The following RSPO4 variants were observed in gnomAD, a reference collection of about 807,000 sequenced individuals.
RSPO4 encodes the protein R-spondin-4.
In RSPO4, 23 loss-of-function variants were observed where a neutral mutation model predicts 24.8. The observed-to-expected ratio is 0.93, with a 90% CI of 0.67 to 1.31. RSPO4 has a LOEUF of 1.31. RSPO4 is among the 40% of genes most tolerant of loss of function. RSPO4 has a pLI of 0.00. For missense variants in RSPO4, 333 were observed against 316.5 expected (o/e 1.05, Z -0.39); for synonymous variants, 141 against 127.4 (o/e 1.11, Z -0.72).
intron 1 of RSPO4, among the ~76,000 whole-genome samples, chr20:974,965 A>G (rs1304734203): frequency 1.3e-5 from 2 of 152,202 alleles, no homozygotes; most frequent in Non-Finnish European, 2.9e-5. Flanking sequence ...CAGAGAGAGA[A>G]GCAGCAACCA....
At chr20:983,915 G>A (rs1303728018) in intron 1 of RSPO4, among the ~76,000 whole-genome samples, 1 of 152,114 alleles carries the variant, frequency 6.6e-6, no homozygotes, top group Non-Finnish European at 1.5e-5. Context: ...GCTGGTGAGT[G>A]GCAAACTCAA....
rs369479919 is a variant in RSPO4 at position 991,523 on chromosome 20, A to T, written c.79+10563T>A. On this transcript the variant is annotated intron_variant, in intron 1 of 4. Transcript: ENST00000217260. ...GAAAAATTCAGGAATTCCAATTTTA[A>T]AAGTGGGAAAAATAAAAATAAAATG... is the stretch of plus-strand genomic sequence containing the variant. Among the ~76,000 whole-genome samples the T allele has an allele frequency of 3.0e-3, 462 of 152,340 alleles. 4 individuals carry two copies. Among genetic ancestry groups the T allele is most frequent in the African/African-American group, 0.011 (439 of 41,574 alleles).
chr20:1,001,166 G>A (rs1985449997), intron 1 of RSPO4, among the ~76,000 whole-genome samples: 1 of 152,192 alleles, frequency 6.6e-6, no homozygotes, highest in African/African-American at 2.4e-5. Flanking sequence ...GGGATTTGAT[G>A]AGCTAGGACA....
intron 1 of RSPO4, among the ~76,000 whole-genome samples, chr20:978,614 C>T (rs1984641594): frequency 6.6e-6 from 1 of 152,050 alleles, no homozygotes; most frequent in African/African-American, 2.4e-5. Flanking sequence ...AGGACCAGGC[C>T]CATACGAATG....
intron 3 of RSPO4, 123 bp downstream of exon 3, chr20:967,051 G>A: frequency 1.1e-6 from 1 of 931,052 alleles, no homozygotes; most frequent in African/African-American, 1.6e-5. Flanking sequence ...TGGTGGTGCT[G>A]GGCCTTCCCT....
chr20:994,433 A>G (rs1985208582), intron 1 of RSPO4, among the ~76,000 whole-genome samples: 1 of 126,374 alleles, frequency 7.9e-6, no homozygotes, highest in African/African-American at 5.3e-5. Context: ...GACCCTATGG[A>G]GAGGCTCCAC....
intron 1 of RSPO4, among the ~76,000 whole-genome samples, chr20:972,758 C>G (rs2122225809): frequency 1.3e-5 from 2 of 152,290 alleles, no homozygotes; most frequent in Middle Eastern, 3.4e-3. Context: ...TGCAAGGCAG[C>G]ACAGAGTCAT....
chr20:990,285 A>G (rs753601825), intron 1 of RSPO4, among the ~76,000 whole-genome samples: 22 of 152,188 alleles, frequency 1.4e-4, no homozygotes, highest in Non-Finnish European at 2.8e-4. Flanking sequence ...GACAGGAGTT[A>G]TATCAGCCAA....
At chr20:994,560 G>A (rs1985212918) in intron 1 of RSPO4, among the ~76,000 whole-genome samples, 1 of 152,128 alleles carries the variant, frequency 6.6e-6, no homozygotes, top group African/African-American at 2.4e-5. Context: ...CTTCCATCCT[G>A]TCTTAATTTT....
At chr20:986,948 C>T (rs1476695964) in intron 1 of RSPO4, among the ~76,000 whole-genome samples, 4 of 152,188 alleles carry the variant, frequency 2.6e-5, no homozygotes, top group South Asian at 2.1e-4. Flanking sequence ...TGAAATACCA[C>T]CATGACCTAC....
At chr20:997,971 C>G (rs1985347906) in intron 1 of RSPO4, among the ~76,000 whole-genome samples, 1 of 152,200 alleles carries the variant, frequency 6.6e-6, no homozygotes, top group African/African-American at 2.4e-5. Context: ...CCTTATGAAG[C>G]CCCTACTGTG....
chr20:994,118 C>T (rs544401333), intron 1 of RSPO4, among the ~76,000 whole-genome samples: 3 of 152,336 alleles, frequency 2.0e-5, no homozygotes, highest in Non-Finnish European at 4.4e-5. Flanking sequence ...CAGGTAACAT[C>T]TGGCATCTCC....
chr20:972,303 C>G (rs1038865240), intron 1 of RSPO4, among the ~76,000 whole-genome samples: 4 of 152,194 alleles, frequency 2.6e-5, no homozygotes, highest in African/African-American at 9.7e-5. Flanking sequence ...TGGGCTCAAG[C>G]AATCCTCCTG....
chr20:982,609 T>C (rs977630403), intron 1 of RSPO4, among the ~76,000 whole-genome samples: 3 of 152,170 alleles, frequency 2.0e-5, no homozygotes, highest in Admixed American at 6.5e-5. Flanking sequence ...GGCTGCAAAG[T>C]AGACTCAGAC....
chr20:970,408 A>AG lies in RSPO4; in HGVS notation c.80-2271dup, dbSNP rs1391041568. Among the ~76,000 whole-genome samples, 3 of 152,100 alleles carry AG rather than the reference A, an allele frequency of 2.0e-5. No individual in the cohort carries two copies. Among genetic ancestry groups the AG allele is most frequent in the African/African-American group, 7.2e-5 (3 of 41,406 alleles). ...CTCTTTCTGTTGCTTATAACTCAGG[A>AG]GGCTTACTGATCCAGGGTCGTACGG... On this transcript the variant is annotated intron_variant, in intron 1 of 4. Coordinates refer to ENST00000217260, the MANE Select transcript of RSPO4 (RefSeq NM_001029871.4). This position sits in a 1 kb window ranked among gnomAD's most constrained non-coding sequence, Gnocchi z 4.1.
chr20:973,768 T>C (rs1333341425), intron 1 of RSPO4, among the ~76,000 whole-genome samples: 1 of 152,176 alleles, frequency 6.6e-6, no homozygotes, highest in Non-Finnish European at 1.5e-5. Context: ...CCAGGCCTCA[T>C]AGAGTGCTGG....
chr20:977,160 G>A (rs1458589199), intron 1 of RSPO4, among the ~76,000 whole-genome samples: 1 of 152,186 alleles, frequency 6.6e-6, no homozygotes, highest in African/African-American at 2.4e-5. Context: ...CACCTAGAGA[G>A]CCTGTTAAAA....
In RSPO4 at chr20:967,163, T is replaced by G. The variant is rs559666475; in HGVS notation, c.409+11A>C. On this transcript the variant is annotated intron_variant, in intron 3 of 4. Transcript: ENST00000217260. ...GAGGGGCAGGGGCAGGGCGGGGAGG[T>G]CCCCACTCACCCTGGCACTCCCGTG... The G allele has an allele frequency of 6.2e-7, 1 of 1,611,440 alleles. No individual in the cohort carries two copies. The highest frequency in any genetic ancestry group is 8.5e-7 in the Non-Finnish European group (1 of 1,179,216).
intron 1 of RSPO4, among the ~76,000 whole-genome samples, chr20:997,038 GTC>G (rs1284834072): frequency 6.6e-6 from 1 of 152,222 alleles, no homozygotes; most frequent in Non-Finnish European, 1.5e-5. Context: ...AAAACTCTGG[GTC>G]CAGGTCCTGG....
Sources: gnomAD v4.1 joint callset for allele counts (sites outside exome capture counted in the v4.1 genomes callset) on GRCh38, gnomAD v4.1.1 for gene constraint, Gnocchi (gnomAD v3.1) non-coding constraint, MANE v1.5 for transcripts, NCBI Gene and HGNC (gene_info 2026-07-23, HGNC 2026-07-21) for gene names.